N4BP1: variants seen among roughly 807,000 people sequenced by gnomAD.
N4BP1 encodes NEDD4 binding protein 1.
A neutral mutation model predicts 70.9 loss-of-function variants in N4BP1; 21 were observed. That is an observed-to-expected ratio of 0.30 (90% CI 0.21 to 0.43). The LOEUF is 0.43. N4BP1 is among the 20% of genes least tolerant of loss of function. The pLI, the probability that N4BP1 is intolerant of heterozygous loss-of-function variation, is 1.00. For missense variants in N4BP1, 936 were observed against 1,069.4 expected (o/e 0.88, Z 1.74); for synonymous variants, 387 against 394.6 (o/e 0.98, Z 0.23).
rs775254121 is a variant in N4BP1 at position 48,542,855 on chromosome 16, G to C, written c.*49C>G. ...TCCCATCAGGTACAGGTGTGAGCTTGAGTTTGATCAGCCAGCCCTGAGCGC... is the reference window on the plus strand; with the variant it reads ...TCCCATCAGGTACAGGTGTGAGCTTCAGTTTGATCAGCCAGCCCTGAGCGC... On this transcript the variant is annotated 3_prime_UTR_variant, in exon 7 of 7. Transcript: ENST00000262384. The C allele has an allele frequency of 6.7e-6, 10 of 1,489,188 alleles. No individual in the cohort carries two copies. In the East Asian group the frequency reaches 2.3e-4, roughly 34 times the overall value. The allele number at this position is 1,489,188 out of a possible 1,614,324, so 92.2% of individuals were successfully genotyped here.
chr16:48,546,408 C>G, intron 5 of N4BP1, 154 bp from the exon 6 acceptor site: 1 of 434,260 alleles, frequency 2.3e-6, no homozygotes, highest in Non-Finnish European at 4.1e-6. Context: ...GGGAAAACAC[C>G]CAAGTCAAAC....
In N4BP1 at chr16:48,610,014, G is replaced by A. The variant is rs1167323590; in HGVS notation, c.-42C>T. ...CGCGGCGGCGCCGGGGGCCGGCGGC[G>A]GCGACGCCCCCTCAGCTTGCTGCCG... On this transcript the variant is annotated 5_prime_UTR_variant, in exon 1 of 7. Transcript: ENST00000262384. The A allele has an allele frequency of 2.9e-5, 31 of 1,077,380 alleles. No homozygotes were observed. Among genetic ancestry groups the A allele is most frequent in the Non-Finnish European group, 3.4e-5 (30 of 884,098 alleles). 66.7% of individuals were successfully genotyped at this position (1,077,380 alleles called of 1,614,324 possible). A position where few individuals can be genotyped will look rare whatever the true frequency, so the allele number is the denominator to read the frequency against.
intron 1 of N4BP1, among the ~76,000 whole-genome samples, chr16:48,597,986 A>G (rs956473337): frequency 1.3e-5 from 2 of 152,194 alleles, no homozygotes; most frequent in Non-Finnish European, 2.9e-5. Context: ...GTTATTCCTG[A>G]GCAAACAGCC....
chr16:48,574,387 C>A (rs1964063748), intron 1 of N4BP1, among the ~76,000 whole-genome samples: 1 of 152,130 alleles, frequency 6.6e-6, no homozygotes, highest in African/African-American at 2.4e-5. Context: ...TTGAGTAATT[C>A]ATCCACAAAA....
At chr16:48,551,326 C>G in intron 4 of N4BP1, 60 bp downstream of exon 4, 1 of 1,276,794 alleles carries the variant, frequency 7.8e-7, no homozygotes, top group African/African-American at 1.5e-5. Flanking sequence ...TCCAGCAGAG[C>G]AGGTGGCTGG....
At chr16:48,608,610 T>C (rs1307217283) in intron 1 of N4BP1, among the ~76,000 whole-genome samples, 1 of 151,930 alleles carries the variant, frequency 6.6e-6, no homozygotes, top group African/African-American at 2.4e-5. Context: ...TAGAGAAACT[T>C]GGTTACCTAG....
At chr16:48,572,578 A>G (rs1350422472) in intron 1 of N4BP1, among the ~76,000 whole-genome samples, 1 of 152,184 alleles carries the variant, frequency 6.6e-6, no homozygotes, top group Non-Finnish European at 1.5e-5. Flanking sequence ...CTTAGCAAAC[A>G]GGTATCTGAC....
intron 2 of N4BP1, 104 bp downstream of exon 2, chr16:48,560,650 T>A: frequency 2.8e-6 from 4 of 1,411,832 alleles, no homozygotes; most frequent in Non-Finnish European, 3.8e-6. Flanking sequence ...AGGCTACAGA[T>A]CAACTATATA....
intron 1 of N4BP1, among the ~76,000 whole-genome samples, chr16:48,588,992 A>G (rs1964291576): frequency 1.3e-5 from 2 of 152,142 alleles, no homozygotes; most frequent in Admixed American, 1.3e-4. Flanking sequence ...ATCCTAGGAG[A>G]ATGTATTTTT....
intron 1 of N4BP1, among the ~76,000 whole-genome samples, chr16:48,606,350 T>A (rs1964582569): frequency 6.6e-6 from 1 of 152,216 alleles, no homozygotes; most frequent in Non-Finnish European, 1.5e-5. Flanking sequence ...TTCAGGAAGA[T>A]TCCATGCTTC....
intron 1 of N4BP1, among the ~76,000 whole-genome samples, chr16:48,595,456 C>CAAAAAAAAAAAAAAA (rs373163833): frequency 1.7e-5 from 1 of 57,490 alleles, no homozygotes; most frequent in Non-Finnish European, 3.3e-5. Context: ...GACTCTGTCT[C>CAAAAAAAAAAAAAAA]AAAAAAAAAA....
chr16:48,585,357 C>T (rs1233533278), intron 1 of N4BP1, among the ~76,000 whole-genome samples: 2 of 151,614 alleles, frequency 1.3e-5, no homozygotes, highest in Non-Finnish European at 2.9e-5. Flanking sequence ...TAAAATTTGG[C>T]CCAGTGTGGT....
chr16:48,573,367 G>A lies in N4BP1; in HGVS notation c.199-10923C>T, dbSNP rs372838785. ...AGCACTTTGGGAGGCCAAGGCAGGC[G>A]GATTGTTTGAGGTCAGGAGTTCAAG... On this transcript the variant is annotated intron_variant, in intron 1 of 6. Transcript: ENST00000262384. Among the ~76,000 whole-genome samples the A allele has an allele frequency of 2.6e-5, 4 of 152,176 alleles. No individual in the cohort carries two copies. The East Asian group carries it at 7.7e-4, about 29-fold the overall frequency.
At chr16:48,559,230 C>G (rs1415548763) in intron 2 of N4BP1, among the ~76,000 whole-genome samples, 1 of 152,108 alleles carries the variant, frequency 6.6e-6, no homozygotes, top group Non-Finnish European at 1.5e-5. Context: ...TACAAATATA[C>G]TATAAACATA....
intron 1 of N4BP1, among the ~76,000 whole-genome samples, chr16:48,567,420 C>T (rs1345562487): frequency 1.3e-5 from 2 of 152,140 alleles, no homozygotes; most frequent in South Asian, 2.1e-4. Flanking sequence ...TAGGTTCAAG[C>T]GATTCTTGTA....
At chr16:48,605,812 T>C (rs11643272) in intron 1 of N4BP1, among the ~76,000 whole-genome samples, 61,175 of 151,992 alleles carry the variant, frequency 0.4, 13,294 homozygotes, top group African/African-American at 0.56. Flanking sequence ...CACTGACTAC[T>C]TGCAGGTAAA....
chr16:48,609,141 G>A (rs984811276), intron 1 of N4BP1, among the ~76,000 whole-genome samples: 2 of 152,082 alleles, frequency 1.3e-5, no homozygotes, highest in Non-Finnish European at 2.9e-5. Context: ...CTTGAGCCCG[G>A]GAAGTCGAGG....
At chr16:48,566,889 G>C (rs777273352) in intron 1 of N4BP1, among the ~76,000 whole-genome samples, 9 of 152,176 alleles carry the variant, frequency 5.9e-5, no homozygotes, top group Non-Finnish European at 1.2e-4. Context: ...CAGCTCTACT[G>C]ATAGGAATAT....
intron 1 of N4BP1, among the ~76,000 whole-genome samples, chr16:48,589,569 C>T (rs1244102972): frequency 6.6e-6 from 1 of 152,140 alleles, no homozygotes; most frequent in African/African-American, 2.4e-5. Flanking sequence ...TTGTAACAGC[C>T]TTTACAATTA....
Sources: allele counts gnomAD v4.1 joint callset (sites outside exome capture counted in the v4.1 genomes callset), GRCh38; gene constraint gnomAD v4.1.1; transcripts MANE v1.5; gene names NCBI Gene and HGNC (gene_info 2026-07-23, HGNC 2026-07-21).